TTC34: variants seen among roughly 807,000 people sequenced by gnomAD.
The protein encoded by TTC34 is tetratricopeptide repeat protein 34.
Under a neutral mutation model 40.7 loss-of-function variants are expected in TTC34, and 44 were observed. The observed-to-expected ratio is 1.08, with a 90% CI of 0.85 to 1.39. The LOEUF (loss-of-function observed/expected upper bound fraction) is 1.39, where lower values mean the gene tolerates loss of function less well. Ranked by LOEUF, TTC34 falls within the 40% of genes most tolerant of loss-of-function variation. TTC34 has a pLI of 0.00. For synonymous variants in TTC34, 422 were observed against 398.6 expected (o/e 1.06, Z -0.70); for missense variants, 884 against 838.0 (o/e 1.05, Z -0.68).
At chr1:2,778,031 A>G (rs908835029) in intron 6 of TTC34, among the ~76,000 whole-genome samples, 4 of 152,336 alleles carry the variant, frequency 2.6e-5, no homozygotes, top group African/African-American at 9.6e-5. Context: ...GCTGGCTCCC[A>G]GCCCCAAATG....
At chr1:2,752,169 CCA>C (rs1641340892) in intron 6 of TTC34, among the ~76,000 whole-genome samples, 6 of 113,654 alleles carry the variant, frequency 5.3e-5, no homozygotes, top group African/African-American at 1.2e-4. Context: ...AGCACCCACA[CCA>C]ACAGGTGAGC....
At chr1:2,657,329 C>A (rs1206095660) in intron 6 of TTC34, among the ~76,000 whole-genome samples, 3 of 115,210 alleles carry the variant, frequency 2.6e-5, no homozygotes, top group African/African-American at 8.5e-5. Context: ...CAGCATGGAG[C>A]AGCACCCATA....
At chr1:2,789,462 G>T in intron 3 of TTC34, 41 bp downstream of exon 3, 1 of 1,488,242 alleles carries the variant, frequency 6.7e-7, no homozygotes, top group Non-Finnish European at 9.0e-7. Context: ...AAGGAGACCC[G>T]CAGGAAGCAG....
rs1266843829 is a variant in TTC34 at position 2,752,612 on chromosome 1, C to G, written c.2226+30997G>C. Among the ~76,000 whole-genome samples the G allele has an allele frequency of 6.5e-5, 7 of 108,150 alleles. 1 individual carries two copies. Among genetic ancestry groups the G allele is most frequent in the Non-Finnish European group, 1.1e-4 (6 of 54,912 alleles). 71.0% of individuals were successfully genotyped at this position (108,150 alleles called of 152,430 possible). ...CTGACAACCTGGAACAGGACAAACACCCCCAGGCGAGCATCTGACACCCTG... is the reference window on the plus strand; with the variant it reads ...CTGACAACCTGGAACAGGACAAACAGCCCCAGGCGAGCATCTGACACCCTG... On this transcript the variant is annotated intron_variant, in intron 6 of 8. Coordinates refer to ENST00000401095, the Ensembl canonical transcript of TTC34.
At chr1:2,768,291 G>C (rs1641854524) in intron 6 of TTC34, among the ~76,000 whole-genome samples, 2 of 152,152 alleles carry the variant, frequency 1.3e-5, no homozygotes, top group Non-Finnish European at 2.9e-5. Context: ...TGCCATTGTA[G>C]GTTTTTGGAT....
rs1446817903 is a variant in TTC34, at chr1:2,796,130, C to A, written c.784+3914G>T. Among the ~76,000 whole-genome samples the A allele has an allele frequency of 2.0e-5, 3 of 152,138 alleles. No individual in the cohort carries two copies. Among genetic ancestry groups the A allele is most frequent in the Non-Finnish European group, 4.4e-5 (3 of 68,028 alleles). ...AAGGCGCCATCTTGGAATCCGAATC[C>A]CCAAGCCTGTTGGGGCCTTGGTTTT... On this transcript the variant is annotated intron_variant, in intron 2 of 8. Transcript: ENST00000401095. This position sits in a 1 kb window ranked among gnomAD's most constrained non-coding sequence, Gnocchi z 4.5.
intron 3 of TTC34, among the ~76,000 whole-genome samples, chr1:2,788,322 A>C (rs777445163): frequency 6.7e-6 from 1 of 150,208 alleles, no homozygotes; most frequent in African/African-American, 2.5e-5. Context: ...TGTGTGTTGT[A>C]TGTGTGTTAT....
chr1:2,641,492 T>C (rs754814839), exon 9 of TTC34: 2 of 1,535,674 alleles, frequency 1.3e-6, no homozygotes, highest in South Asian at 1.2e-5. Context: ...TGCGTGACGC[T>C]GCTCCTCCAG....
intron 6 of TTC34, among the ~76,000 whole-genome samples, chr1:2,768,517 C>G (rs1216397764): frequency 6.6e-6 from 1 of 151,564 alleles, no homozygotes; most frequent in Admixed American, 6.6e-5. Flanking sequence ...GAGTGTCTGA[C>G]AGCCTGGAAC....
chr1:2,685,237 A>AG (rs1467572335), intron 6 of TTC34, among the ~76,000 whole-genome samples: 47 of 26,266 alleles, frequency 1.8e-3, no homozygotes, highest in South Asian at 3.0e-3. Flanking sequence ...CAGCACCCAC[A>AG]CCCCAGGTGA....
chr1:2,637,343 TTAAACTG>T, exon 9 of TTC34: 1 of 152,172 alleles, frequency 6.6e-6, no homozygotes, highest in East Asian at 1.9e-4. Flanking sequence ...CTTTCAGGCT[TTAAACTG>T]TCTTTGGCTC....
Position 2,644,261 on chromosome 1 carries a change from C to T in TTC34, c.2712+3G>A. The T allele has an allele frequency of 2.6e-6, 4 of 1,531,394 alleles. No individual in the cohort carries two copies. In the South Asian group the frequency reaches 3.6e-5, roughly 14 times the overall value. The allele number at this position is 1,531,394 out of a possible 1,614,324, so 94.9% of individuals were successfully genotyped here. A position where few individuals can be genotyped will look rare whatever the true frequency, so the allele number is the denominator to read the frequency against. ...TGGGAGATCTGTGGGGTTCTTTGGG[C>T]ACCTGGGCAAGGCTCTGCCGCTCCG... On this transcript the variant is annotated splice_donor_region_variant and intron_variant, in intron 8 of 8. Coordinates refer to ENST00000401095, the Ensembl canonical transcript of TTC34.
intron 6 of TTC34, among the ~76,000 whole-genome samples, chr1:2,756,671 AG>A (rs1641517074): frequency 2.7e-3 from 11 of 4,082 alleles, no homozygotes; most frequent in East Asian, 8.6e-3. Context: ...CCACACCCCC[AG>A]GTGAGCAGCT....
chr1:2,750,046 C>A (rs1641264850), intron 6 of TTC34, among the ~76,000 whole-genome samples: 1 of 115,604 alleles, frequency 8.7e-6, no homozygotes, highest in Non-Finnish European at 1.7e-5. Flanking sequence ...CACCCACACC[C>A]TCAGGTGAGC....
exon 9 of TTC34, chr1:2,641,053 G>C (rs1195955590): frequency 1.2e-5 from 2 of 168,336 alleles, no homozygotes; most frequent in African/African-American, 3.9e-5. Context: ...GGGAGGGCTG[G>C]GAAGGGAGGT....
At position 2,750,423 on chromosome 1, in the gene TTC34, C is replaced by G. The variant is rs1180856129; in HGVS notation, c.2226+33186G>C. On this transcript the variant is annotated intron_variant, in intron 6 of 8. Coordinates refer to ENST00000401095, the Ensembl canonical transcript of TTC34. ...CGCACACCCCCAGGTGCGCACGTGACAGCCTGTAACAGCACCCACACACCC... is the reference window on the plus strand; with the variant it reads ...CGCACACCCCCAGGTGCGCACGTGAGAGCCTGTAACAGCACCCACACACCC... Among the ~76,000 whole-genome samples the G allele has an allele frequency of 4.7e-5, 5 of 107,514 alleles. 1 individual carries two copies. Among genetic ancestry groups the G allele is most frequent in the Middle Eastern group, 9.6e-3 (2 of 208 alleles). The allele number at this position is 107,514 out of a possible 152,430, so 70.5% of individuals were successfully genotyped here. A position where few individuals can be genotyped will look rare whatever the true frequency, so the allele number is the denominator to read the frequency against.
At chr1:2,692,887 T>C (rs1427801899) in intron 6 of TTC34, among the ~76,000 whole-genome samples, 1 of 79,258 alleles carries the variant, frequency 1.3e-5, no homozygotes, top group African/African-American at 6.7e-5. Flanking sequence ...CATCGGAGAG[T>C]CTGGAGCAGC....
intron 6 of TTC34, among the ~76,000 whole-genome samples, chr1:2,654,854 C>G (rs1639285993): frequency 6.6e-6 from 1 of 152,236 alleles, no homozygotes; most frequent in African/African-American, 2.4e-5. Context: ...AACCCTGCAC[C>G]CGCGAGTGAG....
At chr1:2,641,572 C>G (rs1638904028) in exon 9 of TTC34, 3 of 1,533,288 alleles carry the variant, frequency 2.0e-6, no homozygotes, top group African/African-American at 1.4e-5. Flanking sequence ...ACAGGCTGTT[C>G]TGGGCCAAGG....
Sources: allele counts gnomAD v4.1 joint callset (sites outside exome capture counted in the v4.1 genomes callset), GRCh38; gene constraint gnomAD v4.1.1; non-coding constraint Gnocchi (gnomAD v3.1); transcripts MANE v1.5; gene names NCBI Gene and HGNC (gene_info 2026-07-23, HGNC 2026-07-21).